The following GLRA2 variants were observed in gnomAD, a reference collection of about 807,000 sequenced individuals.
GLRA2 encodes glycine receptor alpha 2, also known as glycine receptor subunit alpha-2.
GLRA2 carries 11 observed loss-of-function variants against 31.6 expected under a neutral mutation model. That is an observed-to-expected ratio of 0.35 (90% CI 0.22 to 0.58). GLRA2 has a LOEUF of 0.58. Ranked by LOEUF, GLRA2 falls within the 20% of genes least tolerant of loss-of-function variation. GLRA2 has a pLI of 0.84. For synonymous variants in GLRA2, 132 were observed against 134.0 expected (o/e 0.99, Z 0.10); for missense variants, 212 against 351.8 (o/e 0.60, Z 3.18).
At chrX:14,455,054 G>A in the GLRA2 span, among the ~76,000 whole-genome samples, 1 of 111,433 alleles carries the variant, frequency 9.0e-6, no homozygotes, top group Non-Finnish European at 1.9e-5. Context: ...CCTTTAAGAT[G>A]AACAGTGATT....
chrX:14,567,480 T>G (rs1174823593), intron 2 of GLRA2, among the ~76,000 whole-genome samples: 1 of 111,798 alleles, frequency 8.9e-6, no homozygotes, highest in Non-Finnish European at 1.9e-5. Flanking sequence ...TTATTAAAAC[T>G]CACAATTAAC....
chrX:14,660,801 C>T (rs979939071), intron 7 of GLRA2, among the ~76,000 whole-genome samples: 9 of 111,815 alleles, frequency 8.0e-5, no homozygotes, highest in Non-Finnish European at 1.5e-4. Context: ...ATGGAGTTAG[C>T]GCCTACTTGA....
At chrX:14,497,353 T>TC in the GLRA2 span, among the ~76,000 whole-genome samples, 1 of 112,022 alleles carries the variant, frequency 8.9e-6, no homozygotes, top group Admixed American at 9.5e-5. Flanking sequence ...GGAACAAATT[T>TC]CCCCAGCTAC....
At chrX:14,586,966 C>T (rs902590363) in intron 4 of GLRA2, among the ~76,000 whole-genome samples, 2 of 111,503 alleles carry the variant, frequency 1.8e-5, no homozygotes, top group South Asian at 3.8e-4. Context: ...TTGATAAGGA[C>T]GTCACAATGG....
chrX:14,575,109 A>T (rs977567644), intron 3 of GLRA2, among the ~76,000 whole-genome samples: 52 of 110,569 alleles, frequency 4.7e-4, no homozygotes, highest in African/African-American at 1.7e-3. Context: ...AAACCCCTAA[A>T]CTTAAAGCTA....
chrX:14,576,275 G>A (rs1292548417), intron 3 of GLRA2, among the ~76,000 whole-genome samples: 2 of 111,207 alleles, frequency 1.8e-5, no homozygotes, highest in Non-Finnish European at 3.8e-5. Context: ...ACCCAGAAAT[G>A]AGACTTGTGA....
At chrX:14,580,925 A>G (rs1206658976) in intron 3 of GLRA2, among the ~76,000 whole-genome samples, 1 of 111,912 alleles carries the variant, frequency 8.9e-6, no homozygotes, top group African/African-American at 3.3e-5. Flanking sequence ...TCCCAAAATG[A>G]ATAATTTAAA....
In GLRA2 at chrX:14,731,217, T is replaced by C; in HGVS notation, c.*732T>C. 1 of 112,480 alleles carries C rather than the reference T, an allele frequency of 8.9e-6. No homozygotes were observed. Among genetic ancestry groups the C allele is most frequent in the Non-Finnish European group, 1.9e-5 (1 of 53,288 alleles). The allele number at this position is 112,480 out of a possible 1,213,427, so 9.3% of individuals were successfully genotyped here. A position where few individuals can be genotyped will look rare whatever the true frequency, so the allele number is the denominator to read the frequency against. ...GTCCATATAGGTGTGCATTTTAATA[T>C]TTTTCTTTCCAAGATAAAATTTTGA... On this transcript the variant is annotated 3_prime_UTR_variant, in exon 9 of 9. Coordinates refer to ENST00000218075, the MANE Select transcript of GLRA2 (RefSeq NM_002063.4).
intron 7 of GLRA2, among the ~76,000 whole-genome samples, chrX:14,684,725 T>G (rs770176946): frequency 7.2e-4 from 80 of 111,694 alleles, no homozygotes; most frequent in African/African-American, 2.1e-3. Flanking sequence ...GCTGAGACCA[T>G]GGGGTTTTCT....
the GLRA2 span, among the ~76,000 whole-genome samples, chrX:14,471,047 G>A: frequency 3.6e-5 from 4 of 111,677 alleles, no homozygotes; most frequent in Non-Finnish European, 7.5e-5. Context: ...TAATAGTTCA[G>A]ATGGTTTGCC....
At chrX:14,569,873 G>T (rs2089860350) in intron 2 of GLRA2, among the ~76,000 whole-genome samples, 1 of 112,179 alleles carries the variant, frequency 8.9e-6, no homozygotes, top group Admixed American at 9.5e-5. Context: ...ATTAACAGAT[G>T]AATAATGTTT....
chrX:14,509,588 T>C, the GLRA2 span, among the ~76,000 whole-genome samples: 3 of 112,238 alleles, frequency 2.7e-5, no homozygotes, highest in Non-Finnish European at 3.8e-5. Flanking sequence ...AAAGTGGGGC[T>C]TAGGGCTTAA....
the GLRA2 span, among the ~76,000 whole-genome samples, chrX:14,477,674 A>G: frequency 3.6e-5 from 4 of 111,614 alleles, no homozygotes; most frequent in Middle Eastern, 4.6e-3. Flanking sequence ...CTCACTGGCT[A>G]TATTTATTAT....
intron 7 of GLRA2, among the ~76,000 whole-genome samples, chrX:14,630,074 G>A (rs1350595625): frequency 8.1e-5 from 9 of 111,100 alleles, no homozygotes; most frequent in African/African-American, 2.9e-4. Context: ...ATTCCATCTG[G>A]TATCATTTTT....
intron 7 of GLRA2, among the ~76,000 whole-genome samples, chrX:14,632,981 G>A (rs1309410943): frequency 9.0e-6 from 1 of 111,433 alleles, no homozygotes; most frequent in Non-Finnish European, 1.9e-5. Context: ...CAAGCCATAA[G>A]GTCTCTGTCA....
the GLRA2 span, among the ~76,000 whole-genome samples, chrX:14,467,522 A>G: frequency 8.9e-6 from 1 of 112,409 alleles, no homozygotes; most frequent in African/African-American, 3.2e-5. Flanking sequence ...AGAAAGTAAC[A>G]GTACAATAAA....
At chrX:14,692,582 G>T (rs2091376915) in intron 8 of GLRA2, among the ~76,000 whole-genome samples, 1 of 111,731 alleles carries the variant, frequency 9.0e-6, no homozygotes, top group Non-Finnish European at 1.9e-5. Flanking sequence ...CTAATTCTCA[G>T]CAAAATTCCT....
rs144675165 is a variant in GLRA2, at chrX:14,532,241, C to G, written c.71C>G (p.Thr24Arg). Residue 24 changes from threonine (T) to arginine (R), a missense_variant and splice_region_variant, in exon 2 of 9, where the codon ACG becomes AGG. By Grantham distance (71) the Thr-to-Arg change is moderately conservative. Around this residue, in one of 5 missense-constraint regions of GLRA2, gnomAD observed 33 missense variants for 27.7 expected, o/e 1.19. Coordinates refer to ENST00000218075, the MANE Select transcript of GLRA2 (RefSeq NM_002063.4). The stretch of plus-strand genomic sequence containing the variant: ...AAAAGAGTTAATGATGTGTTTAGGA[C>G]GGCTTTCTGCAAAGACCATGACTCC... ...AFFLETNHFRTAFCKDHDSRS... is the reference protein window; with the variant it reads ...AFFLETNHFRRAFCKDHDSRS... 8 of 1,167,977 alleles carry G rather than the reference C, an allele frequency of 6.8e-6. No homozygotes were observed. The East Asian group carries it at 2.4e-4, about 36-fold the overall frequency.
At chrX:14,679,640 A>G (rs779316789) in intron 7 of GLRA2, among the ~76,000 whole-genome samples, 38 of 110,512 alleles carry the variant, frequency 3.4e-4, no homozygotes, top group Non-Finnish European at 1.3e-4. Context: ...TATTCGCAAG[A>G]CCACCATACT....
Sources: gnomAD v4.1 joint callset for allele counts (sites outside exome capture counted in the v4.1 genomes callset) on GRCh38, gnomAD v4.1.1 for gene constraint, gnomAD v4.1.1 regional missense constraint, MANE v1.5 for transcripts, NCBI Gene and HGNC (gene_info 2026-07-23, HGNC 2026-07-21) for gene names.